ZNF682: variants seen among roughly 807,000 people sequenced by gnomAD.
The protein encoded by ZNF682 is zinc finger protein 682.
A neutral mutation model predicts 36.5 loss-of-function variants in ZNF682; 29 were observed. The ratio of observed to expected loss-of-function variants is 0.80; its 90% CI spans 0.59 to 1.08. The LOEUF (loss-of-function observed/expected upper bound fraction) is 1.08, where lower values mean the gene tolerates loss of function less well. ZNF682 is among the 50% of genes least tolerant of loss of function. ZNF682 has a pLI of 0.00. For missense variants in ZNF682, 561 were observed against 579.7 expected (o/e 0.97, Z 0.33); for synonymous variants, 180 against 197.0 (o/e 0.91, Z 0.72).
At chr19:20,017,158 C>T (rs2088341310) in intron 3 of ZNF682, among the ~76,000 whole-genome samples, 1 of 152,002 alleles carries the variant, frequency 6.6e-6, no homozygotes. Flanking sequence ...TGAGGGAAAA[C>T]GTATTTATGA....
chr19:20,005,569 G>GT lies in ZNF682; in HGVS notation c.*435dup, dbSNP rs1433976484. The GT allele has an allele frequency of 6.3e-6, 1 of 158,076 alleles. No individual in the cohort carries two copies. The highest frequency in any genetic ancestry group is 1.4e-5 in the Non-Finnish European group (1 of 72,000). The allele number at this position is 158,076 out of a possible 1,614,324, so 9.8% of individuals were successfully genotyped here. A position where few individuals can be genotyped will look rare whatever the true frequency, so the allele number is the denominator to read the frequency against. On this transcript the variant is annotated 3_prime_UTR_variant, in exon 4 of 4. Coordinates refer to ENST00000397165, the MANE Select transcript of ZNF682 (RefSeq NM_033196.3). ...TTGCAACAATCTTTATATTTGTAAT[G>GT]TTTTTCTTCAGTATAAAAACTCTTG... is the stretch of plus-strand genomic sequence containing the variant.
intron 3 of ZNF682, among the ~76,000 whole-genome samples, chr19:20,021,673 G>T (rs894806374): frequency 6.6e-6 from 1 of 151,936 alleles, no homozygotes; most frequent in Admixed American, 6.6e-5. Flanking sequence ...TATATGTGTG[G>T]GTTTATTTGT....
intron 3 of ZNF682, among the ~76,000 whole-genome samples, chr19:20,022,241 A>C (rs2088391312): frequency 6.6e-6 from 1 of 151,856 alleles, no homozygotes; most frequent in Admixed American, 6.6e-5. Context: ...CAGAAAATAC[A>C]CCACATCTGT....
In ZNF682 at chr19:20,039,446, A is replaced by T. The variant is rs1488894126; in HGVS notation, c.-101T>A. ...TGCGACAGTCACCGGGAACTACTAG[A>T]GCAGAGGATACTAAGCAATGAAGAT... On this transcript the variant is annotated 5_prime_UTR_variant, in exon 1 of 4. Transcript: ENST00000397165. 6.6e-7 allele frequency: 1 copy of T among 1,505,198 alleles called. No individual in the cohort carries two copies. Among genetic ancestry groups the T allele is most frequent in the Non-Finnish European group, 9.1e-7 (1 of 1,099,678 alleles). The allele number at this position is 1,505,198 out of a possible 1,614,324, so 93.2% of individuals were successfully genotyped here. A position where few individuals can be genotyped will look rare whatever the true frequency, so the allele number is the denominator to read the frequency against.
chr19:20,022,037 G>A (rs1288495944), intron 3 of ZNF682, among the ~76,000 whole-genome samples: 1 of 151,792 alleles, frequency 6.6e-6, no homozygotes. Flanking sequence ...GGGCATGGTG[G>A]TGTACGCCTG....
At chr19:20,000,541 C>G (rs775629202), downstream of ZNF682, among the ~76,000 whole-genome samples, 16 of 152,162 alleles carry the variant, frequency 1.1e-4, no homozygotes, top group Non-Finnish European at 1.3e-4. Flanking sequence ...GAGGTGAGGG[C>G]ATTCTTCCTG....
intron 1 of ZNF682, among the ~76,000 whole-genome samples, chr19:20,031,470 C>T (rs1381216714): frequency 6.6e-6 from 1 of 152,184 alleles, no homozygotes; most frequent in Admixed American, 6.5e-5. Context: ...GAAAATGTTT[C>T]CTATGGGCTT....
rs753006891 is a variant in ZNF682, at chr19:20,006,774, C to A, written c.728G>T (p.Ser243Ile). 94 of 1,609,916 alleles carry A rather than the reference C, an allele frequency of 5.8e-5. 1 individual carries two copies. In the South Asian group the frequency reaches 9.4e-4, roughly 16 times the overall value. The change falls in exon 4 of 4, where the codon AGT becomes ATT. Residue 243 changes from serine to isoleucine, a missense_variant. By Grantham distance (142) the Ser-to-Ile change is moderately radical. Transcript: ENST00000397165. ...ATGGATTCTCTTATGTTTAGTAAGA[C>A]TCGAGCACCAGTTAAAAGCTTTGCC... Reference protein sequence around the residue: ...ECGKAFNWCSSLTKHKRIHTG... With the variant: ...ECGKAFNWCSILTKHKRIHTG...
intron 1 of ZNF682, among the ~76,000 whole-genome samples, chr19:20,029,141 G>A (rs929904511): frequency 6.6e-6 from 1 of 151,794 alleles, no homozygotes; most frequent in Non-Finnish European, 1.5e-5. Flanking sequence ...ACCACGGCCA[G>A]CTAATTTTTC....
chr19:20,011,547 G>A (rs1449442914), intron 3 of ZNF682, among the ~76,000 whole-genome samples: 1 of 152,142 alleles, frequency 6.6e-6, no homozygotes, highest in Non-Finnish European at 1.5e-5. Context: ...TTGACCACAT[G>A]CTCAGTCAAA....
intron 3 of ZNF682, among the ~76,000 whole-genome samples, chr19:20,012,661 G>A (rs954956933): frequency 2.6e-5 from 4 of 151,532 alleles, no homozygotes; most frequent in South Asian, 2.1e-4. Flanking sequence ...TCAGCTGCTC[G>A]GGAGGCTGAG....
In ZNF682 at chr19:20,007,425, A is replaced by T. The variant is rs756341263; in HGVS notation, c.227-150T>A. 928 of 662,526 alleles carry T rather than the reference A, an allele frequency of 1.4e-3. 3 individuals carry two copies. The Middle Eastern group carries it at 0.014, about 10-fold the overall frequency. The allele number at this position is 662,526 out of a possible 1,614,324, so 41.0% of individuals were successfully genotyped here. On this transcript the variant is annotated intron_variant, in intron 3 of 3. Transcript: ENST00000397165. ...ACTCACTCCAAGGAGAGAAAACAAA[A>T]TGTTGAGTAAAACATCATACTTTAA...
intron 3 of ZNF682, among the ~76,000 whole-genome samples, chr19:19,997,869 G>A (rs2088137471): frequency 6.6e-6 from 1 of 152,348 alleles, no homozygotes; most frequent in South Asian, 2.1e-4. Flanking sequence ...GCCTCTAGGT[G>A]GTGAGAGCCT....
intron 1 of ZNF682, among the ~76,000 whole-genome samples, chr19:20,030,535 GC>G (rs1313918109): frequency 6.6e-6 from 1 of 152,160 alleles, no homozygotes; most frequent in Non-Finnish European, 1.5e-5. Flanking sequence ...TTGCACCACT[GC>G]ATTGCAACCT....
intron 3 of ZNF682, chr19:20,008,322 A>T (rs1299924255): frequency 6.6e-6 from 1 of 152,242 alleles, no homozygotes; most frequent in East Asian, 1.9e-4. Context: ...ATCTGGAAGA[A>T]CTCAGCAATT....
chr19:20,038,031 G>A (rs534613124), intron 1 of ZNF682, among the ~76,000 whole-genome samples: 1 of 152,320 alleles, frequency 6.6e-6, no homozygotes, highest in East Asian at 1.9e-4. Context: ...GCCACTGTGG[G>A]CATCTCATGT....
intron 3 of ZNF682, among the ~76,000 whole-genome samples, chr19:20,017,924 C>T (rs1005234660): frequency 3.9e-5 from 6 of 151,990 alleles, no homozygotes; most frequent in Non-Finnish European, 7.4e-5. Flanking sequence ...ATTAAACCCA[C>T]TCAAACATAT....
At chr19:20,011,640 C>G (rs1260601317) in intron 3 of ZNF682, among the ~76,000 whole-genome samples, 1 of 152,132 alleles carries the variant, frequency 6.6e-6, no homozygotes, top group South Asian at 2.1e-4. Context: ...GCAAGAGGAA[C>G]CCTCAAAACT....
intron 3 of ZNF682, among the ~76,000 whole-genome samples, chr19:20,021,236 C>T (rs1599610812): frequency 6.6e-6 from 1 of 152,318 alleles, no homozygotes; most frequent in East Asian, 1.9e-4. Context: ...GCTCCATATG[C>T]TTAAATTTTA....
Sources: gnomAD v4.1 joint callset for allele counts (sites outside exome capture counted in the v4.1 genomes callset) on GRCh38, gnomAD v4.1.1 for gene constraint, MANE v1.5 for transcripts, NCBI Gene and HGNC (gene_info 2026-07-23, HGNC 2026-07-21) for gene names.